Variants in ZNF536 observed in about 807,000 individuals in gnomAD.
The protein encoded by ZNF536 is zinc finger protein 536.
In ZNF536, 13 loss-of-function variants were observed where a neutral mutation model predicts 84.5. That is an observed-to-expected ratio of 0.15 (90% CI 0.10 to 0.24). The LOEUF (loss-of-function observed/expected upper bound fraction) is 0.24. ZNF536 is among the 10% of genes least tolerant of loss of function. ZNF536 has a pLI of 1.00. For synonymous variants in ZNF536, 811 were observed against 742.5 expected, an observed-to-expected ratio of 1.09 and a Z score of -1.50; for missense variants, 1,536 against 1,747.5, an observed-to-expected ratio of 0.88 and a Z score of 2.16.
At chr19:30,461,203 A>G (rs561889146) in intron 2 of ZNF536, among the ~76,000 whole-genome samples, 1 of 152,282 alleles carries the variant, frequency 6.6e-6, no homozygotes, top group Admixed American at 6.5e-5. Flanking sequence ...AAACTGAGGC[A>G]TGGAGAGGTT....
chr19:30,651,241 G>A (rs939172569), intron 1 of ZNF536, among the ~76,000 whole-genome samples: 5 of 152,214 alleles, frequency 3.3e-5, no homozygotes, highest in Admixed American at 2.6e-4. Flanking sequence ...AGGCGAGGGA[G>A]GTGCCTGTAT....
chr19:30,333,014 C>T (rs888183895), intron 2 of ZNF536, among the ~76,000 whole-genome samples: 1 of 152,040 alleles, frequency 6.6e-6, no homozygotes, highest in Non-Finnish European at 1.5e-5. Flanking sequence ...CCCAGGGGGT[C>T]GAGGCTGTAG....
At chr19:30,339,355 C>A (rs891599374) in intron 2 of ZNF536, among the ~76,000 whole-genome samples, 1 of 152,182 alleles carries the variant, frequency 6.6e-6, no homozygotes, top group African/African-American at 2.4e-5. Flanking sequence ...CAGTGGGAGT[C>A]CCAGAACAGC....
chr19:30,510,840 G>A (rs892481966), intron 2 of ZNF536, among the ~76,000 whole-genome samples: 3 of 152,204 alleles, frequency 2.0e-5, no homozygotes, highest in African/African-American at 7.2e-5. Flanking sequence ...CATCAGAAGA[G>A]TGACATCTTC....
chr19:30,236,108 G>A (rs1398832714), intron 1 of ZNF536, among the ~76,000 whole-genome samples: 1 of 152,278 alleles, frequency 6.6e-6, no homozygotes, highest in Non-Finnish European at 1.5e-5. Context: ...GGGAATGCGA[G>A]GAGGAAGAAA....
At chr19:30,645,126 G>A (rs553622631) in intron 1 of ZNF536, among the ~76,000 whole-genome samples, 158 of 152,286 alleles carry the variant, frequency 1.0e-3, no homozygotes, top group African/African-American at 3.7e-3. Context: ...CAGTGATGTT[G>A]AGCATTTTTT....
chr19:30,545,227 C>T (rs8112353), intron 3 of ZNF536, among the ~76,000 whole-genome samples: 5,008 of 152,162 alleles, frequency 0.033, 134 homozygotes, highest in South Asian at 0.12. Flanking sequence ...CATGTCTGCA[C>T]CAGAATCATA....
rs1029522837 is a variant in ZNF536 at position 30,640,912 on chromosome 19, G to A, written c.170-69845G>A. 3.9e-5 allele frequency among the ~76,000 whole-genome samples: 6 copies of A among 152,190 alleles called. 1 individual carries two copies. Among genetic ancestry groups the A allele is most frequent in the African/African-American group, 1.4e-4 (6 of 41,442 alleles). ...AGCACGTCTCCTGGGGCACATCCTG[G>A]TTTGGTATGAAGGCCCTGTCTGGGA... On this transcript the variant is annotated intron_variant, in intron 1 of 1. Transcript: ENST00000592773.
chr19:30,231,397 T>C (rs2023030010), intron 1 of ZNF536, among the ~76,000 whole-genome samples: 1 of 152,220 alleles, frequency 6.6e-6, no homozygotes, highest in African/African-American at 2.4e-5. Context: ...CTCGCTTGCA[T>C]TGCTACTAGT....
chr19:30,325,948 C>T (rs145282295), intron 2 of ZNF536, among the ~76,000 whole-genome samples: 4 of 152,254 alleles, frequency 2.6e-5, no homozygotes, highest in African/African-American at 4.8e-5. Flanking sequence ...CTCCCACACC[C>T]GCAGATGTGC....
intron 2 of ZNF536, among the ~76,000 whole-genome samples, chr19:30,286,580 CAG>C (rs2045639314): frequency 6.8e-6 from 1 of 147,914 alleles, no homozygotes; most frequent in African/African-American, 2.5e-5. Flanking sequence ...GAAAGACAGA[CAG>C]AGAGAGAAAG....
chr19:30,607,821 G>A (rs1460903464), intron 1 of ZNF536, among the ~76,000 whole-genome samples: 3 of 150,842 alleles, frequency 2.0e-5, no homozygotes, highest in Non-Finnish European at 4.4e-5. Context: ...TATTATTTTT[G>A]AAAATGTGAT....
chr19:30,637,108 C>T (rs925821028), intron 1 of ZNF536, among the ~76,000 whole-genome samples: 2 of 152,204 alleles, frequency 1.3e-5, no homozygotes, highest in African/African-American at 4.8e-5. Context: ...TCCTTTTAGG[C>T]AGCCTCTTGG....
chr19:30,698,843 A>G, intron 1 of ZNF536, among the ~76,000 whole-genome samples: 1 of 152,236 alleles, frequency 6.6e-6, no homozygotes, highest in East Asian at 1.9e-4. Context: ...CTTAAGGAGT[A>G]GGGAGATATG....
At chr19:30,620,922 C>T (rs1376130745) in intron 1 of ZNF536, among the ~76,000 whole-genome samples, 1 of 151,450 alleles carries the variant, frequency 6.6e-6, no homozygotes, top group East Asian at 1.9e-4. Context: ...GTCACCTGTA[C>T]TAGGATTCCA....
chr19:30,498,449 G>T (rs1015436822), intron 2 of ZNF536, among the ~76,000 whole-genome samples: 5 of 152,034 alleles, frequency 3.3e-5, no homozygotes, highest in Non-Finnish European at 5.9e-5. Context: ...GGAGTGGGGT[G>T]GGGGGACGGA....
In ZNF536 at chr19:30,305,664, G is replaced by A. The variant is rs1457162480; in HGVS notation, c.-120+21523G>A. Among the ~76,000 whole-genome samples the A allele has an allele frequency of 3.3e-5, 5 of 152,200 alleles. 1 individual carries two copies. The highest frequency in any genetic ancestry group is 9.6e-5 in the African/African-American group (4 of 41,452). The stretch of plus-strand genomic sequence containing the variant: ...GGGCCACAGTCTCTTGCCAAGGTTG[G>A]GTTCAGAGGGTGACCCCAGATCTGG... On this transcript the variant is annotated intron_variant, in intron 2 of 5. Coordinates refer to the ZNF536 transcript ENST00000585628.
intron 2 of ZNF536, among the ~76,000 whole-genome samples, chr19:30,301,119 T>C (rs2046167011): frequency 6.6e-6 from 1 of 152,178 alleles, no homozygotes; most frequent in Admixed American, 6.5e-5. Flanking sequence ...CTTTTGTGTC[T>C]GCCCTGCCTG....
intron 2 of ZNF536, among the ~76,000 whole-genome samples, chr19:30,323,622 G>T (rs1007690631): frequency 5.9e-5 from 9 of 152,152 alleles, no homozygotes; most frequent in African/African-American, 2.2e-4. Context: ...ATCCAGGGCT[G>T]CAGGGTTCTT....
Sources: gnomAD v4.1 joint callset for allele counts (sites outside exome capture counted in the v4.1 genomes callset) on GRCh38, gnomAD v4.1.1 for gene constraint, MANE v1.5 for transcripts, NCBI Gene and HGNC (gene_info 2026-07-23, HGNC 2026-07-21) for gene names.